Variants in MAPK4 observed in about 807,000 individuals in gnomAD.
The protein encoded by MAPK4 is Erk3-related.
Under a neutral mutation model 47.7 loss-of-function variants are expected in MAPK4, and 22 were observed. That is an observed-to-expected ratio of 0.46 (90% CI 0.33 to 0.66). The LOEUF (loss-of-function observed/expected upper bound fraction) is 0.66. MAPK4 is among the 30% of genes least tolerant of loss of function. MAPK4 has a pLI of 0.02. For synonymous variants in MAPK4, 390 were observed against 365.7 expected, an observed-to-expected ratio of 1.07 and a Z score of -0.76; for missense variants, 736 against 831.7, an observed-to-expected ratio of 0.88 and a Z score of 1.42.
chr18:50,642,545 G>T (rs2042950004), intron 1 of MAPK4, among the ~76,000 whole-genome samples: 1 of 152,166 alleles, frequency 6.6e-6, no homozygotes, highest in Non-Finnish European at 1.5e-5. Context: ...GGCCTATGAG[G>T]ATGCTGTTTT....
At chr18:50,722,785 G>T (rs576024089) in intron 4 of MAPK4, among the ~76,000 whole-genome samples, 45 of 152,244 alleles carry the variant, frequency 3.0e-4, no homozygotes, top group African/African-American at 1.1e-3. Context: ...ACTCAGGTGC[G>T]GCACAGGTGA....
rs576351233 is a variant in MAPK4 at position 50,663,895 on chromosome 18, C to T, written c.-64C>T. ...GAGGTGCGCGAGGGAGGCCGCTAGC[C>T]GAGACTTGGCCTTTCCTGACTGCCC... On this transcript the variant is annotated 5_prime_UTR_variant, in exon 2 of 6. An upstream open reading frame in the 5' UTR gains an earlier in-frame stop. Transcript: ENST00000400384. 2.1e-5 allele frequency: 31 copies of T among 1,449,710 alleles called. No homozygotes were observed. In the East Asian group the frequency reaches 3.2e-4, roughly 15 times the overall value. 89.8% of individuals were successfully genotyped at this position (1,449,710 alleles called of 1,614,324 possible).
intron 2 of MAPK4, among the ~76,000 whole-genome samples, chr18:50,709,186 A>T (rs1438949844): frequency 6.6e-6 from 1 of 151,854 alleles, no homozygotes; most frequent in African/African-American, 2.4e-5. Context: ...CTGCTCCTCC[A>T]CCGGGAGGGC....
At chr18:50,612,169 T>C (rs1238110720) in intron 1 of MAPK4, among the ~76,000 whole-genome samples, 1 of 152,246 alleles carries the variant, frequency 6.6e-6, no homozygotes, top group Non-Finnish European at 1.5e-5. Context: ...AAGAGAATAC[T>C]CATTTATGTC....
chr18:50,639,416 G>C (rs1352436733), intron 1 of MAPK4, among the ~76,000 whole-genome samples: 1 of 152,028 alleles, frequency 6.6e-6, no homozygotes, highest in Non-Finnish European at 1.5e-5. Flanking sequence ...GGGAGGTGGG[G>C]GTAAATGAGA....
intron 1 of MAPK4, among the ~76,000 whole-genome samples, chr18:50,599,155 T>C (rs8095588): frequency 1 from 151,737 of 152,270 alleles, 75,606 homozygotes; most frequent in East Asian, 1. Context: ...AATTAATATT[T>C]AGCCTCTCCA....
chr18:50,568,520 C>G (rs2042221548), intron 1 of MAPK4, among the ~76,000 whole-genome samples: 1 of 152,200 alleles, frequency 6.6e-6, no homozygotes, highest in African/African-American at 2.4e-5. Flanking sequence ...TAACCACAGT[C>G]ACATACACTT....
intron 1 of MAPK4, among the ~76,000 whole-genome samples, chr18:50,638,428 A>C (rs1383257732): frequency 6.6e-6 from 1 of 152,224 alleles, no homozygotes; most frequent in East Asian, 1.9e-4. Flanking sequence ...TTGCAGCTGA[A>C]TAGCTGAGGC....
Position 50,663,631 on chromosome 18 carries a change from G to A in MAPK4, c.-328G>A, listed in dbSNP as rs1907403389. 2 of 202,854 alleles carry A rather than the reference G, an allele frequency of 9.9e-6. No individual in the cohort carries two copies. Among genetic ancestry groups the A allele is most frequent in the Non-Finnish European group, 2.0e-5 (2 of 101,182 alleles). The allele number at this position is 202,854 out of a possible 1,614,324, so 12.6% of individuals were successfully genotyped here. A position where few individuals can be genotyped will look rare whatever the true frequency, so the allele number is the denominator to read the frequency against. On this transcript the variant is annotated 5_prime_UTR_variant, in exon 2 of 6. Coordinates refer to ENST00000400384, the MANE Select transcript of MAPK4 (RefSeq NM_002747.4). ...GACATTCCATAGATAATGATACTGGGTTTTCTTTCCAAGATGCCAGCTTTA... is the reference window on the plus strand; with the variant it reads ...GACATTCCATAGATAATGATACTGGATTTTCTTTCCAAGATGCCAGCTTTA...
chr18:50,718,651 A>G (rs538608535), intron 3 of MAPK4, among the ~76,000 whole-genome samples: 12 of 152,266 alleles, frequency 7.9e-5, no homozygotes, highest in Non-Finnish European at 1.8e-4. Context: ...ATTCAGTGCT[A>G]TGCTGGGCTA....
At chr18:50,647,778 A>G (rs538616695) in intron 1 of MAPK4, among the ~76,000 whole-genome samples, 2 of 152,204 alleles carry the variant, frequency 1.3e-5, no homozygotes, top group Non-Finnish European at 2.9e-5. Context: ...CCTGGTCTTC[A>G]GTGCTCAACC....
chr18:50,664,096 C>T lies in MAPK4; in HGVS notation c.138C>T (p.Val46=), dbSNP rs763775905. The change falls in exon 2 of 6, where the codon GTC becomes GTT. Residue 46 remains valine (V), a synonymous_variant. Coordinates refer to ENST00000400384, the MANE Select transcript of MAPK4 (RefSeq NM_002747.4). This position sits in a 1 kb window ranked among gnomAD's most constrained non-coding sequence, Gnocchi z 6.0. The part of the protein sequence containing the change: ...SAVDSRACRK[V]AVKKIALSDA... Reference sequence around the variant, plus strand: ...TGGACAGCCGGGCCTGCCGGAAGGTCGCTGTGAAGAAGATTGCCCTGAGCG... The same window carrying T: ...TGGACAGCCGGGCCTGCCGGAAGGTTGCTGTGAAGAAGATTGCCCTGAGCG... 1.1e-5 allele frequency: 18 copies of T among 1,613,986 alleles called. No homozygotes were observed. Among genetic ancestry groups the T allele is most frequent in the South Asian group, 3.3e-5 (3 of 91,072 alleles).
rs544803096 is a variant in MAPK4 at position 50,686,037 on chromosome 18, A to C, written c.546+21533A>C. 4.8e-3 allele frequency among the ~76,000 whole-genome samples: 733 copies of C among 151,974 alleles called. 2 individuals carry two copies. Among genetic ancestry groups the C allele is most frequent in the African/African-American group, 0.016 (682 of 41,442 alleles). ...CCCCTAGAAAGGCCCCCTAGAAGTAACTCACCTGAGGTGATGGTAGAGACT... is the reference window on the plus strand; with the variant it reads ...CCCCTAGAAAGGCCCCCTAGAAGTACCTCACCTGAGGTGATGGTAGAGACT... On this transcript the variant is annotated intron_variant, in intron 2 of 5. Coordinates refer to ENST00000400384, the MANE Select transcript of MAPK4 (RefSeq NM_002747.4).
intron 1 of MAPK4, among the ~76,000 whole-genome samples, chr18:50,640,382 C>CG (rs1555650381): frequency 7.8e-6 from 1 of 128,838 alleles, no homozygotes; most frequent in African/African-American, 3.0e-5. Flanking sequence ...TTCTTGTTTA[C>CG]AAAAAAAAAA....
At chr18:50,619,138 T>C (rs2149381237) in intron 1 of MAPK4, among the ~76,000 whole-genome samples, 1 of 152,348 alleles carries the variant, frequency 6.6e-6, no homozygotes, top group East Asian at 1.9e-4. Flanking sequence ...GATTAACATG[T>C]GCCAACCAGA....
intron 1 of MAPK4, among the ~76,000 whole-genome samples, chr18:50,576,475 G>A (rs963834564): frequency 6.6e-6 from 1 of 152,078 alleles, no homozygotes; most frequent in Non-Finnish European, 1.5e-5. Context: ...CAGACACTGG[G>A]GCGTGCTTAA....
intron 2 of MAPK4, among the ~76,000 whole-genome samples, chr18:50,698,879 G>A (rs1377702443): frequency 6.6e-6 from 1 of 152,098 alleles, no homozygotes; most frequent in Non-Finnish European, 1.5e-5. Context: ...ACAAAAATTA[G>A]CTAGGTATAG....
In MAPK4 at chr18:50,663,896, G is replaced by C; in HGVS notation, c.-63G>C. The C allele has an allele frequency of 6.9e-7, 1 of 1,456,700 alleles. No homozygotes were observed. The highest frequency in any genetic ancestry group is 1.8e-4 in the Middle Eastern group (1 of 5,486). The allele number at this position is 1,456,700 out of a possible 1,614,324, so 90.2% of individuals were successfully genotyped here. A position where few individuals can be genotyped will look rare whatever the true frequency, so the allele number is the denominator to read the frequency against. On this transcript the variant is annotated 5_prime_UTR_variant, in exon 2 of 6. Transcript: ENST00000400384. ...AGGTGCGCGAGGGAGGCCGCTAGCC[G>C]AGACTTGGCCTTTCCTGACTGCCCC...
chr18:50,699,792 C>T (rs1598927151), intron 2 of MAPK4, among the ~76,000 whole-genome samples: 1 of 152,236 alleles, frequency 6.6e-6, no homozygotes, highest in East Asian at 1.9e-4. Flanking sequence ...TTGACTGGTT[C>T]CCAGAACTCA....
Sources: gnomAD v4.1 joint callset for allele counts (sites outside exome capture counted in the v4.1 genomes callset) on GRCh38, gnomAD v4.1.1 for gene constraint, Gnocchi (gnomAD v3.1) non-coding constraint, MANE v1.5 for transcripts, NCBI Gene and HGNC (gene_info 2026-07-23, HGNC 2026-07-21) for gene names.